PCDH15: variants seen among roughly 807,000 people sequenced by gnomAD.
PCDH15 encodes the protein protocadherin related 15.
A neutral mutation model predicts 178.5 loss-of-function variants in PCDH15; 129 were observed. That is an observed-to-expected ratio of 0.72 (90% confidence interval 0.63 to 0.84). The LOEUF is 0.84. PCDH15 is among the 40% of genes least tolerant of loss of function. The pLI is 0.00. For synonymous variants in PCDH15, 800 were observed against 732.0 expected, an observed-to-expected ratio of 1.09 and a Z score of -1.50; for missense variants, 2,230 against 2,099.9, an observed-to-expected ratio of 1.06 and a Z score of -1.21.
intron 2 of PCDH15, among the ~76,000 whole-genome samples, chr10:55,459,356 A>G (rs550747390): frequency 1.4e-4 from 22 of 152,146 alleles, no homozygotes; most frequent in Middle Eastern, 6.8e-3. Context: ...AACCAGAAAA[A>G]TGCAGTTTTC....
At chr10:54,136,679 A>G (rs954767222) in intron 14 of PCDH15, among the ~76,000 whole-genome samples, 10 of 152,276 alleles carry the variant, frequency 6.6e-5, no homozygotes, top group Admixed American at 6.5e-4. Context: ...TTAAACTCGT[A>G]TGAGTTACTT....
intron 10 of PCDH15, among the ~76,000 whole-genome samples, chr10:54,212,180 A>G (rs2051512235): frequency 6.6e-6 from 1 of 152,148 alleles, no homozygotes; most frequent in African/African-American, 2.4e-5. Flanking sequence ...GCAGCACCAC[A>G]AGAGTCAGGT....
intron 25 of PCDH15, among the ~76,000 whole-genome samples, chr10:53,910,446 A>T (rs1407798344): frequency 1.3e-5 from 2 of 152,218 alleles, no homozygotes; most frequent in Non-Finnish European, 2.9e-5. Flanking sequence ...AAACTAACAA[A>T]CAGAAAGGAA....
chr10:54,225,009 T>C (rs2134235553), intron 9 of PCDH15, among the ~76,000 whole-genome samples: 1 of 152,276 alleles, frequency 6.6e-6, no homozygotes. Flanking sequence ...CATTTTTACA[T>C]ATTATTAGGG....
intron 10 of PCDH15, among the ~76,000 whole-genome samples, chr10:54,208,569 C>T (rs2051068029): frequency 6.6e-6 from 1 of 152,014 alleles, no homozygotes; most frequent in Admixed American, 6.6e-5. Context: ...ATTTGGCAAT[C>T]TGCAACCCAG....
At chr10:55,072,416 A>G (rs1484044210) in intron 2 of PCDH15, among the ~76,000 whole-genome samples, 1 of 152,198 alleles carries the variant, frequency 6.6e-6, no homozygotes, top group Non-Finnish European at 1.5e-5. Context: ...TAAAGGGGAT[A>G]TCACCACCGA....
At chr10:55,489,916 G>C (rs1467307657) in intron 2 of PCDH15, among the ~76,000 whole-genome samples, 1 of 149,794 alleles carries the variant, frequency 6.7e-6, no homozygotes, top group Non-Finnish European at 1.5e-5. Context: ...TTAGAAAGAA[G>C]TGTCCAAGTT....
intron 2 of PCDH15, among the ~76,000 whole-genome samples, chr10:55,361,521 A>T (rs575844862): frequency 6.6e-6 from 1 of 152,056 alleles, no homozygotes; most frequent in South Asian, 2.1e-4. Context: ...CATATTGTTT[A>T]CTCTGCTTTG....
chr10:54,281,769 T>C (rs1591568645), intron 8 of PCDH15, among the ~76,000 whole-genome samples: 1 of 152,098 alleles, frequency 6.6e-6, no homozygotes, highest in East Asian at 1.9e-4. Flanking sequence ...GACTAATAAA[T>C]ATGAAATGAA....
chr10:54,226,665 A>G (rs992999398), intron 9 of PCDH15, among the ~76,000 whole-genome samples: 2 of 152,202 alleles, frequency 1.3e-5, no homozygotes, highest in Non-Finnish European at 2.9e-5. Flanking sequence ...CCATTTCAGC[A>G]TTAACTCAAA....
At chr10:55,493,824 G>A (rs2132130959) in intron 2 of PCDH15, among the ~76,000 whole-genome samples, 1 of 151,950 alleles carries the variant, frequency 6.6e-6, no homozygotes, top group African/African-American at 2.4e-5. Context: ...ATCCAAATAA[G>A]AAGCAAAGAG....
intron 2 of PCDH15, among the ~76,000 whole-genome samples, chr10:55,407,979 T>A (rs540802580): frequency 1.1e-4 from 17 of 151,982 alleles, no homozygotes; most frequent in East Asian, 3.9e-4. Context: ...CAAAAAGGGA[T>A]CAAAGGAGAT....
At chr10:54,325,987 CATT>C (rs1174899746) in intron 7 of PCDH15, among the ~76,000 whole-genome samples, 1 of 152,000 alleles carries the variant, frequency 6.6e-6, no homozygotes, top group Non-Finnish European at 1.5e-5. Flanking sequence ...ATATGGATAT[CATT>C]ATCATATACA....
At chr10:54,123,468 T>C (rs1363678958) in intron 15 of PCDH15, among the ~76,000 whole-genome samples, 2 of 152,044 alleles carry the variant, frequency 1.3e-5, no homozygotes, top group Non-Finnish European at 2.9e-5. Context: ...AAAACCACTA[T>C]GAGATACCTA....
At chr10:55,440,888 C>G (rs1839169089) in intron 2 of PCDH15, among the ~76,000 whole-genome samples, 1 of 152,028 alleles carries the variant, frequency 6.6e-6, no homozygotes, top group Admixed American at 6.6e-5. Context: ...AGAATGAGGA[C>G]CAAGCAAAAG....
At chr10:54,658,044 T>A (rs2094437250) in intron 2 of PCDH15, among the ~76,000 whole-genome samples, 1 of 152,118 alleles carries the variant, frequency 6.6e-6, no homozygotes, top group African/African-American at 2.4e-5. Context: ...ACTAGACCAT[T>A]CAGAAGCCTG....
At chr10:55,063,861 G>C (rs74136344) in intron 2 of PCDH15, among the ~76,000 whole-genome samples, 4 of 152,226 alleles carry the variant, frequency 2.6e-5, no homozygotes, top group African/African-American at 7.2e-5. Flanking sequence ...TTATCAGAAG[G>C]TAAACAAACA....
chr10:55,393,247 A>G (rs1837843243), intron 2 of PCDH15, among the ~76,000 whole-genome samples: 1 of 152,228 alleles, frequency 6.6e-6, no homozygotes, highest in African/African-American at 2.4e-5. Context: ...TCCCACCCTC[A>G]GGGGTTCTGA....
chr10:55,310,465 T>A (rs1484008526), intron 1 of PCDH15, among the ~76,000 whole-genome samples: 2 of 152,182 alleles, frequency 1.3e-5, no homozygotes, highest in Admixed American at 1.3e-4. Context: ...CTATTTGTTT[T>A]CCCAATCCAG....
Sources: gnomAD v4.1 joint callset for allele counts (sites outside exome capture counted in the v4.1 genomes callset) on GRCh38, gnomAD v4.1.1 for gene constraint, MANE v1.5 for transcripts, NCBI Gene and HGNC (gene_info 2026-07-23, HGNC 2026-07-21) for gene names.